ZHX2: variants seen among roughly 807,000 people sequenced by gnomAD.
ZHX2 encodes zinc fingers and homeoboxes 2.
A neutral mutation model predicts 21.9 loss-of-function variants in ZHX2; 6 were observed. The observed-to-expected ratio is 0.27, with a 90% CI of 0.15 to 0.54. The LOEUF is 0.54. ZHX2 is among the 20% of genes least tolerant of loss of function. ZHX2 has a pLI of 0.95. For synonymous variants in ZHX2, 434 were observed against 437.1 expected (o/e 0.99, Z 0.09); for missense variants, 908 against 1,090.7 (o/e 0.83, Z 2.36).
intron 1 of ZHX2, among the ~76,000 whole-genome samples, chr8:122,791,976 C>T (rs1405989423): frequency 1.3e-5 from 2 of 152,106 alleles, no homozygotes; most frequent in Non-Finnish European, 2.9e-5. Context: ...GGAGATATAA[C>T]TTACATACCC....
chr8:122,841,143 G>A (rs1818615137), intron 1 of ZHX2, among the ~76,000 whole-genome samples: 1 of 152,168 alleles, frequency 6.6e-6, no homozygotes, highest in African/African-American at 2.4e-5. Context: ...GAGCGTTGCT[G>A]GTTCCTGCTT....
chr8:122,820,467 C>T (rs569349255), intron 1 of ZHX2, among the ~76,000 whole-genome samples: 1 of 152,324 alleles, frequency 6.6e-6, no homozygotes, highest in African/African-American at 2.4e-5. Flanking sequence ...GCACCCGCCT[C>T]CCTCCCCTTC....
intron 2 of ZHX2, among the ~76,000 whole-genome samples, chr8:122,942,702 G>GA (rs148102311): frequency 0.027 from 4,124 of 152,258 alleles, 196 homozygotes; most frequent in African/African-American, 0.092. Flanking sequence ...GTACCATCCT[G>GA]ACAGCCAGAC....
At chr8:122,908,370 G>GTTTTTTA (rs751388109) in intron 2 of ZHX2, among the ~76,000 whole-genome samples, 2 of 151,906 alleles carry the variant, frequency 1.3e-5, no homozygotes, top group Non-Finnish European at 2.9e-5. Context: ...TGGCCAATTT[G>GTTTTTTA]TTTTTTATTT....
rs200753877 is a variant in ZHX2, at chr8:122,953,485, G to C, written c.1975G>C (p.Asp659His). ...RTQWPTPQEY[D>H]QLAAKTGLVR... ...CCAGTGGCCTACTCCCCAGGAGTAC[G>C]ACCAGTTAGCGGCCAAGACTGGCCT... Residue 659 changes from aspartate (D) to histidine (H), a missense_variant, in exon 3 of 4, where the codon GAC (aspartate) becomes CAC (histidine). Asp to His is a moderately conservative substitution (Grantham distance 81). This residue lies in a region of ZHX2 where 431 missense variants were observed against 428.6 expected (regional missense o/e 1.01). Transcript: ENST00000314393. This position sits in a 1 kb window ranked among gnomAD's most constrained non-coding sequence, Gnocchi z 4.6. 1.9e-6 allele frequency: 3 copies of C among 1,614,172 alleles called. No individual in the cohort carries two copies. In the South Asian group the frequency reaches 3.3e-5, roughly 18 times the overall value.
chr8:122,825,556 T>C (rs1011980832), intron 1 of ZHX2, among the ~76,000 whole-genome samples: 3 of 152,206 alleles, frequency 2.0e-5, no homozygotes, highest in African/African-American at 4.8e-5. Context: ...AGAGAGATCC[T>C]GGCCACCATA....
chr8:122,805,467 C>A (rs866482381), intron 1 of ZHX2, among the ~76,000 whole-genome samples: 9 of 152,156 alleles, frequency 5.9e-5, no homozygotes, highest in African/African-American at 2.2e-4. Context: ...AGAAGTAAGG[C>A]CAATGTGCAC....
At chr8:122,942,244 A>G (rs575464682) in intron 2 of ZHX2, among the ~76,000 whole-genome samples, 18 of 152,066 alleles carry the variant, frequency 1.2e-4, no homozygotes, top group African/African-American at 3.9e-4. Context: ...TGATTTTAAA[A>G]CACAAAGGAG....
intron 1 of ZHX2, among the ~76,000 whole-genome samples, chr8:122,855,778 A>G (rs1819011170): frequency 1.3e-5 from 2 of 152,154 alleles, no homozygotes; most frequent in Admixed American, 1.3e-4. Context: ...TTGAAACAAG[A>G]TAGAATTGGG....
chr8:122,953,460 C>T lies in ZHX2; in HGVS notation c.1950C>T (p.Thr650=). ...TCCTGAGGAGCACGTTTGCAAGAAC[C>T]CAGTGGCCTACTCCCCAGGAGTACG... is the stretch of plus-strand genomic sequence containing the variant. ...VHLLRSTFAR[T]QWPTPQEYDQ... The change falls in exon 3 of 4, where the codon ACC becomes ACT. Residue 650 remains threonine, a synonymous_variant. Transcript: ENST00000314393. The surrounding 1 kb of genome is among the most constrained non-coding windows in gnomAD (Gnocchi z 4.6). 1 of 1,614,184 alleles carries T rather than the reference C, an allele frequency of 6.2e-7. No individual in the cohort carries two copies. Among genetic ancestry groups the T allele is most frequent in the Non-Finnish European group, 8.5e-7 (1 of 1,180,036 alleles).
intron 2 of ZHX2, among the ~76,000 whole-genome samples, chr8:122,865,455 G>C (rs1235579501): frequency 6.6e-6 from 1 of 152,196 alleles, no homozygotes; most frequent in Non-Finnish European, 1.5e-5. Flanking sequence ...AGCAGGACTT[G>C]AGCTTTGAGG....
At position 122,880,006 on chromosome 8, in the gene ZHX2, T is replaced by C. The variant is rs549625060; in HGVS notation, c.-220+16467T>C. Among the ~76,000 whole-genome samples, 14 of 144,582 alleles carry C rather than the reference T, an allele frequency of 9.7e-5. No individual in the cohort carries two copies. The South Asian group carries it at 2.5e-3, about 26-fold the overall frequency. The allele number at this position is 144,582 out of a possible 152,430, so 94.9% of individuals were successfully genotyped here. On this transcript the variant is annotated intron_variant, in intron 2 of 3. Coordinates refer to ENST00000314393, the MANE Select transcript of ZHX2 (RefSeq NM_014943.5). ...TTTTTTTTTTTAGATGGAGCCTCGC[T>C]CTGTTGTCCAGGCTAGAGTACAGTG...
rs374444747 is a variant in ZHX2 at position 122,871,671 on chromosome 8, G to GTATATATA, written c.-220+8143_-220+8150dup. Among the ~76,000 whole-genome samples the GTATATATA allele has an allele frequency of 2.8e-3, 356 of 125,472 alleles. 2 individuals are homozygous for GTATATATA. The highest frequency in any genetic ancestry group is 5.3e-3 in the Middle Eastern group (1 of 190). The allele number at this position is 125,472 out of a possible 152,430, so 82.3% of individuals were successfully genotyped here. ...GTGCACATGTACCCTAGAACTTAAAGTATATATATATATATATAAACCCTT... is the reference window on the plus strand; with the variant it reads ...GTGCACATGTACCCTAGAACTTAAAGTATATATATATATATATATATATATAAACCCTT... On this transcript the variant is annotated intron_variant, in intron 2 of 3. Coordinates refer to ENST00000314393, the MANE Select transcript of ZHX2 (RefSeq NM_014943.5).
chr8:122,862,984 C>A (rs1022139499), intron 1 of ZHX2, among the ~76,000 whole-genome samples: 1 of 152,154 alleles, frequency 6.6e-6, no homozygotes, highest in African/African-American at 2.4e-5. Context: ...ACACGGGGTT[C>A]GCTTGGCAGG....
intron 1 of ZHX2, among the ~76,000 whole-genome samples, chr8:122,798,297 T>C (rs1231650291): frequency 6.6e-6 from 1 of 152,246 alleles, no homozygotes; most frequent in Non-Finnish European, 1.5e-5. Context: ...GGCACCATGC[T>C]GATCAGGAGG....
intron 2 of ZHX2, among the ~76,000 whole-genome samples, chr8:122,885,960 T>C (rs964790638): frequency 6.6e-6 from 1 of 152,150 alleles, no homozygotes; most frequent in Non-Finnish European, 1.5e-5. Context: ...AAGAATTGAG[T>C]ACACATATAT....
chr8:122,894,065 T>C (rs1164614164), intron 2 of ZHX2, among the ~76,000 whole-genome samples: 1 of 152,190 alleles, frequency 6.6e-6, no homozygotes, highest in Non-Finnish European at 1.5e-5. Flanking sequence ...CCATGTGATT[T>C]CTTTGGCTGT....
intron 1 of ZHX2, among the ~76,000 whole-genome samples, chr8:122,840,641 A>G (rs1284976703): frequency 2.6e-5 from 4 of 152,198 alleles, no homozygotes. Flanking sequence ...CATACTCAAT[A>G]AATAAGAGTA....
In ZHX2 at chr8:122,830,527, G is replaced by A. The variant is rs111995089; in HGVS notation, c.-282-32950G>A. 5.8e-4 allele frequency among the ~76,000 whole-genome samples: 89 copies of A among 152,318 alleles called. No individual in the cohort carries two copies. In the East Asian group the frequency reaches 6.5e-3, roughly 11 times the overall value. ...GGGACATAGGGGGTGGTGTGGGCACGTTGGAAAAAGAAAACCTTAATTTTT... is the reference window on the plus strand; with the variant it reads ...GGGACATAGGGGGTGGTGTGGGCACATTGGAAAAAGAAAACCTTAATTTTT... On this transcript the variant is annotated intron_variant, in intron 1 of 3. Transcript: ENST00000314393.
Sources: allele counts gnomAD v4.1 joint callset (sites outside exome capture counted in the v4.1 genomes callset), GRCh38; gene constraint gnomAD v4.1.1; regional missense constraint gnomAD v4.1.1; non-coding constraint Gnocchi (gnomAD v3.1); transcripts MANE v1.5; gene names NCBI Gene and HGNC (gene_info 2026-07-23, HGNC 2026-07-21).